Variants in GRID2 observed in about 807,000 individuals in gnomAD.
GRID2 encodes the protein glutamate ionotropic receptor delta type subunit 2.
GRID2 carries 33 observed loss-of-function variants against 114.8 expected under a neutral mutation model. The ratio of observed to expected loss-of-function variants is 0.29; its 90% CI spans 0.22 to 0.38. The LOEUF is 0.38. GRID2 is among the 10% of genes least tolerant of loss of function. The probability of loss-of-function intolerance (pLI) is 1.00; values close to 1 mark genes in which losing one functional copy is unlikely to be tolerated. For synonymous variants in GRID2, 505 were observed against 449.9 expected (o/e 1.12, Z -1.55); for missense variants, 1,184 against 1,257.7 (o/e 0.94, Z 0.89).
At chr4:92,459,155 A>C (rs909901896) in intron 1 of GRID2, among the ~76,000 whole-genome samples, 3 of 152,212 alleles carry the variant, frequency 2.0e-5, no homozygotes, top group Non-Finnish European at 4.4e-5. Flanking sequence ...AAAGAGGTAA[A>C]ACAGTAACTT....
chr4:92,570,215 A>G (rs1235029156), intron 1 of GRID2, among the ~76,000 whole-genome samples: 1 of 152,030 alleles, frequency 6.6e-6, no homozygotes, highest in East Asian at 1.9e-4. Flanking sequence ...TGAACAGGGT[A>G]TCTTTTCCTC....
chr4:92,681,521 T>C (rs576558514), intron 2 of GRID2, among the ~76,000 whole-genome samples: 21 of 151,994 alleles, frequency 1.4e-4, no homozygotes, highest in African/African-American at 4.6e-4. Context: ...AGGGGAACAT[T>C]ACACACTGGG....
chr4:93,689,337 A>G (rs938982015), intron 14 of GRID2, among the ~76,000 whole-genome samples: 3 of 152,090 alleles, frequency 2.0e-5, no homozygotes, highest in African/African-American at 7.2e-5. Flanking sequence ...CATGGGTGTC[A>G]ATATGTTGAA....
intron 2 of GRID2, among the ~76,000 whole-genome samples, chr4:92,983,524 T>C (rs776826105): frequency 2.0e-5 from 3 of 152,096 alleles, no homozygotes; most frequent in Non-Finnish European, 4.4e-5. Context: ...CATATCTCAT[T>C]TTTTTGTCTT....
At chr4:93,563,959 A>G (rs953138204) in intron 13 of GRID2, among the ~76,000 whole-genome samples, 1 of 152,036 alleles carries the variant, frequency 6.6e-6, no homozygotes, top group African/African-American at 2.4e-5. Flanking sequence ...AATGAAAAAA[A>G]TAAATGAGAA....
chr4:93,064,464 T>TA (rs1728090603), intron 2 of GRID2, among the ~76,000 whole-genome samples: 1 of 151,910 alleles, frequency 6.6e-6, no homozygotes, highest in Non-Finnish European at 1.5e-5. Context: ...GGACATATAC[T>TA]AAATTCAAGA....
At chr4:93,805,387 A>T (rs1366040593) in intron 1 of GRID2, among the ~76,000 whole-genome samples, 1 of 152,244 alleles carries the variant, frequency 6.6e-6, no homozygotes, top group Admixed American at 6.5e-5. Context: ...TGTTTTTGAA[A>T]TTAGTGTTCA....
chr4:93,543,286 GA>G (rs879882549), intron 13 of GRID2, among the ~76,000 whole-genome samples: 5 of 151,640 alleles, frequency 3.3e-5, no homozygotes, highest in East Asian at 1.9e-4. Flanking sequence ...AGAAAGGAGA[GA>G]AAAAAAATAT....
In GRID2 at chr4:93,063,235, A is replaced by T. The variant is rs139536147; in HGVS notation, c.245-21760A>T. On this transcript the variant is annotated intron_variant, in intron 2 of 15. Coordinates refer to ENST00000282020, the MANE Select transcript of GRID2 (RefSeq NM_001510.4). The stretch of plus-strand genomic sequence containing the variant: ...ATCATTTTAACCTTAAATAAAAGAG[A>T]TTGACACTAAGAGGTGTGCATGTTT... Among the ~76,000 whole-genome samples, 15 of 152,044 alleles carry T rather than the reference A, an allele frequency of 9.9e-5. No homozygotes were observed. In the East Asian group the frequency reaches 2.7e-3, roughly 27 times the overall value.
chr4:92,790,674 T>G (rs76981343), intron 2 of GRID2, among the ~76,000 whole-genome samples: 2,747 of 149,298 alleles, frequency 0.018, 79 homozygotes, highest in African/African-American at 0.065. Flanking sequence ...CAACTCAGCC[T>G]CTCAAAATGT....
At chr4:92,886,960 A>T (rs768039870) in intron 2 of GRID2, among the ~76,000 whole-genome samples, 2 of 152,150 alleles carry the variant, frequency 1.3e-5, no homozygotes, top group African/African-American at 2.4e-5. Context: ...GAAAAAAAAA[A>T]CTGTTGAAAT....
chr4:93,468,226 G>A (rs964905508), intron 11 of GRID2, among the ~76,000 whole-genome samples: 23 of 152,088 alleles, frequency 1.5e-4, no homozygotes, highest in African/African-American at 5.6e-4. Flanking sequence ...CTAAATTAAA[G>A]ATCATTCAAC....
At chr4:93,372,936 C>T (rs2149295050) in intron 8 of GRID2, among the ~76,000 whole-genome samples, 1 of 152,202 alleles carries the variant, frequency 6.6e-6, no homozygotes, top group Non-Finnish European at 1.5e-5. Context: ...GTAGATAATA[C>T]TTTTGTGGGT....
At chr4:93,455,587 G>A (rs1580134591) in intron 10 of GRID2, 75 bp from the exon 11 acceptor site, 4 of 952,298 alleles carry the variant, frequency 4.2e-6, no homozygotes, top group African/African-American at 1.7e-5. Context: ...TTTTTTCCTC[G>A]AGGCAAGCTG....
chr4:92,527,182 C>G (rs1442186037), intron 1 of GRID2, among the ~76,000 whole-genome samples: 1 of 152,050 alleles, frequency 6.6e-6, no homozygotes, highest in Non-Finnish European at 1.5e-5. Flanking sequence ...CTAATGGAAT[C>G]TCCATGCATT....
chr4:92,482,541 T>C (rs1404450931), intron 1 of GRID2, among the ~76,000 whole-genome samples: 1 of 152,194 alleles, frequency 6.6e-6, no homozygotes, highest in Non-Finnish European at 1.5e-5. Context: ...AATAAGAATA[T>C]AATTTGACTC....
At chr4:93,693,620 T>G (rs981457630) in intron 14 of GRID2, among the ~76,000 whole-genome samples, 10 of 152,184 alleles carry the variant, frequency 6.6e-5, no homozygotes, top group African/African-American at 2.4e-4. Flanking sequence ...AGCATGTAAC[T>G]TTTCTGTACC....
chr4:93,769,901 A>G (rs1235121385), intron 15 of GRID2, among the ~76,000 whole-genome samples: 2 of 152,164 alleles, frequency 1.3e-5, no homozygotes, highest in African/African-American at 2.4e-5. Context: ...TCTCTTCACC[A>G]CTAGTGACTG....
intron 1 of GRID2, among the ~76,000 whole-genome samples, chr4:92,475,781 T>C (rs1015126269): frequency 6.6e-6 from 1 of 152,066 alleles, no homozygotes; most frequent in African/African-American, 2.4e-5. Flanking sequence ...ATTTTAATAA[T>C]ATTATTTCAA....
Sources: gnomAD v4.1 joint callset for allele counts (sites outside exome capture counted in the v4.1 genomes callset) on GRCh38, gnomAD v4.1.1 for gene constraint, MANE v1.5 for transcripts, NCBI Gene and HGNC (gene_info 2026-07-23, HGNC 2026-07-21) for gene names.